The following RARS2 variants were observed in gnomAD, a reference collection of about 807,000 sequenced individuals.
RARS2 encodes arginyl-tRNA synthetase 2, mitochondrial.
RARS2 carries 67 observed loss-of-function variants against 88.5 expected under a neutral mutation model. The observed-to-expected ratio is 0.76, with a 90% CI of 0.62 to 0.93. The LOEUF is 0.93. Ranked by LOEUF, RARS2 falls within the 40% of genes least tolerant of loss-of-function variation. The probability of loss-of-function intolerance (pLI) is 0.00; values close to 1 mark genes in which losing one functional copy is unlikely to be tolerated. For synonymous variants in RARS2, 239 were observed against 230.3 expected, an observed-to-expected ratio of 1.04 and a Z score of -0.34; for missense variants, 664 against 684.2, an observed-to-expected ratio of 0.97 and a Z score of 0.33.
chr6:87,553,343 CCT>C (rs1784911710), intron 5 of RARS2, among the ~76,000 whole-genome samples: 1 of 151,858 alleles, frequency 6.6e-6, no homozygotes. Flanking sequence ...CTGAAATACC[CCT>C]CTCTCCCCAT....
chr6:87,573,968 T>C (rs898838902), intron 1 of RARS2, among the ~76,000 whole-genome samples: 26 of 152,226 alleles, frequency 1.7e-4, no homozygotes, highest in African/African-American at 5.8e-4. Context: ...AGTCCTCATG[T>C]ATCAGAAGTC....
At chr6:87,549,160 T>C (rs1344737439) in intron 5 of RARS2, among the ~76,000 whole-genome samples, 1 of 151,814 alleles carries the variant, frequency 6.6e-6, no homozygotes, top group Non-Finnish European at 1.5e-5. Context: ...TTCTAGACCA[T>C]CCTGGCCAAC....
chr6:87,547,726 G>C (rs959646164), intron 6 of RARS2, among the ~76,000 whole-genome samples: 1 of 151,508 alleles, frequency 6.6e-6, no homozygotes, highest in Admixed American at 6.6e-5. Context: ...TGCAACCTCT[G>C]CCTCCCGGGT....
chr6:87,569,674 A>C, intron 1 of RARS2, 84 bp from the exon 2 acceptor site: 1 of 1,054,284 alleles, frequency 9.5e-7, no homozygotes. Context: ...AGAATAAACT[A>C]TTAATACACT....
At chr6:87,530,756 G>C in intron 9 of RARS2, 28 bp downstream of exon 9, 1 of 1,612,724 alleles carries the variant, frequency 6.2e-7, no homozygotes, top group Non-Finnish European at 8.5e-7. Context: ...TGCATCATGG[G>C]AAAGCAGAAG....
intron 1 of RARS2, among the ~76,000 whole-genome samples, chr6:87,582,071 A>G (rs2210164): frequency 6.6e-6 from 1 of 152,118 alleles, no homozygotes; most frequent in Non-Finnish European, 1.5e-5. Context: ...GAACATCCAC[A>G]TGCATGTATC....
intron 5 of RARS2, among the ~76,000 whole-genome samples, chr6:87,548,984 T>C (rs1380061280): frequency 6.6e-6 from 1 of 152,068 alleles, no homozygotes; most frequent in Non-Finnish European, 1.5e-5. Context: ...GAGACTGAGA[T>C]GGGAAGACTG....
intron 12 of RARS2, among the ~76,000 whole-genome samples, chr6:87,521,166 T>C (rs1773702876): frequency 6.6e-6 from 1 of 152,230 alleles, no homozygotes; most frequent in East Asian, 1.9e-4. Flanking sequence ...AAAACAACTG[T>C]TGAGCCCAAA....
At chr6:87,528,384 A>G (rs1360064422) in intron 10 of RARS2, among the ~76,000 whole-genome samples, 1 of 152,206 alleles carries the variant, frequency 6.6e-6, no homozygotes, top group African/African-American at 2.4e-5. Flanking sequence ...GAACATCCAT[A>G]TATATGATCC....
chr6:87,521,336 C>T, intron 12 of RARS2, 128 bp downstream of exon 12: 24 of 693,870 alleles, frequency 3.5e-5, no homozygotes, highest in South Asian at 5.5e-5. Flanking sequence ...TAGAAGTTGC[C>T]CACTTTAAAC....
At chr6:87,563,399 T>C (rs143706309) in intron 3 of RARS2, among the ~76,000 whole-genome samples, 18 of 152,288 alleles carry the variant, frequency 1.2e-4, no homozygotes, top group Non-Finnish European at 1.9e-4. Context: ...TCCTGGTAAA[T>C]ATCTGGGAGT....
intron 8 of RARS2, among the ~76,000 whole-genome samples, chr6:87,532,144 G>A (rs892327967): frequency 3.9e-5 from 6 of 152,138 alleles, no homozygotes; most frequent in Admixed American, 3.9e-4. Context: ...ACCTTTCATA[G>A]ATGATCTATG....
intron 8 of RARS2, among the ~76,000 whole-genome samples, chr6:87,540,755 A>C (rs1780676484): frequency 6.6e-6 from 1 of 152,228 alleles, no homozygotes; most frequent in Admixed American, 6.5e-5. Context: ...TTGTTTGGAC[A>C]GGAAGGGCTT....
intron 7 of RARS2, among the ~76,000 whole-genome samples, chr6:87,544,870 C>T (rs1782126287): frequency 1.3e-5 from 2 of 152,162 alleles, no homozygotes; most frequent in Non-Finnish European, 2.9e-5. Context: ...AAAGTATCAC[C>T]CTTTGCTTAT....
At chr6:87,578,120 C>G (rs967844185) in intron 1 of RARS2, among the ~76,000 whole-genome samples, 1 of 147,302 alleles carries the variant, frequency 6.8e-6, no homozygotes, top group Non-Finnish European at 1.5e-5. Flanking sequence ...CCCCCCCCCG[C>G]CATCTCTATT....
At chr6:87,564,660 ACT>A (rs1204870533) in intron 2 of RARS2, 1 of 274,290 alleles carries the variant, frequency 3.6e-6, no homozygotes, top group Non-Finnish European at 7.1e-6. Flanking sequence ...CAAGAGCGAA[ACT>A]CTGTCTCAAA....
chr6:87,536,521 C>A (rs927674884), intron 8 of RARS2, among the ~76,000 whole-genome samples: 1 of 151,574 alleles, frequency 6.6e-6, no homozygotes, highest in Non-Finnish European at 1.5e-5. Context: ...CCTGTAATCC[C>A]AGCTACTCAG....
At chr6:87,520,365 G>A (rs145943039) in intron 12 of RARS2, 109 bp from the exon 13 acceptor site, 23 of 848,306 alleles carry the variant, frequency 2.7e-5, no homozygotes, top group African/African-American at 1.9e-4. Flanking sequence ...GACTAAAGTC[G>A]TCAATTGATA....
At position 87,524,591 on chromosome 6, in the gene RARS2, T is replaced by C; in HGVS notation, c.940A>G (p.Met314Val). The C allele has an allele frequency of 6.2e-7, 1 of 1,613,484 alleles. No homozygotes were observed. The highest frequency in any genetic ancestry group is 8.5e-7 in the Non-Finnish European group (1 of 1,179,488). ...TAGAGAGAAGTCCCATCACTTCGCA[T>C]TACAGTACAAATTGAGGAGGGGTCG... Reference protein sequence around the residue: ...NGDPSSICTVMRSDGTSLYAT... With the variant: ...NGDPSSICTVVRSDGTSLYAT... The change falls in exon 11 of 20, where the codon ATG becomes GTG. Residue 314 changes from methionine to valine, a missense_variant. By Grantham distance (21) the Met-to-Val change is conservative (BLOSUM62 1). Coordinates refer to ENST00000369536, the MANE Select transcript of RARS2 (RefSeq NM_020320.5).
Sources: gnomAD v4.1 joint callset for allele counts (sites outside exome capture counted in the v4.1 genomes callset) on GRCh38, gnomAD v4.1.1 for gene constraint, MANE v1.5 for transcripts, NCBI Gene and HGNC (gene_info 2026-07-23, HGNC 2026-07-21) for gene names.